Variants in DGLUCY observed in about 807,000 individuals in gnomAD.
DGLUCY encodes D-glutamate cyclase, also known as D-glutamate cyclase, mitochondrial.
A neutral mutation model predicts 58.5 loss-of-function variants in DGLUCY; 58 were observed. The observed-to-expected ratio is 0.99, with a 90% CI of 0.80 to 1.23. DGLUCY has a LOEUF of 1.23. DGLUCY is among the 50% of genes most tolerant of loss of function. DGLUCY has a pLI of 0.00. For missense variants in DGLUCY, 779 were observed against 784.7 expected (o/e 0.99, Z 0.09); for synonymous variants, 325 against 314.1 (o/e 1.03, Z -0.37).
intron 6 of DGLUCY, chr14:91,175,665 C>T (rs1359995771): frequency 8.5e-6 from 3 of 354,538 alleles, no homozygotes; most frequent in Non-Finnish European, 1.1e-5. Context: ...GTACTAGGCT[C>T]AATGCACCCA....
intron 11 of DGLUCY, 21 bp downstream of exon 11, chr14:91,199,926 A>G: frequency 6.2e-7 from 1 of 1,613,682 alleles, no homozygotes; most frequent in Non-Finnish European, 8.5e-7. Context: ...AGTACTGGGG[A>G]TGCACCAAGA....
chr14:91,214,106 A>G (rs1337252031), intron 12 of DGLUCY, among the ~76,000 whole-genome samples: 2 of 151,560 alleles, frequency 1.3e-5, no homozygotes, highest in African/African-American at 2.4e-5. Context: ...TACTCAACCT[A>G]CAAGGCCCAT....
intron 1 of DGLUCY, among the ~76,000 whole-genome samples, chr14:91,126,207 G>C (rs977714679): frequency 6.6e-6 from 1 of 152,164 alleles, no homozygotes; most frequent in African/African-American, 2.4e-5. Context: ...GCTCTGGGGG[G>C]TAGGAGTTCT....
At chr14:91,140,348 T>C (rs1419112144) in intron 1 of DGLUCY, among the ~76,000 whole-genome samples, 2 of 152,208 alleles carry the variant, frequency 1.3e-5, no homozygotes, top group African/African-American at 4.8e-5. Flanking sequence ...TTTCCTACAA[T>C]ATAGTGATGC....
At chr14:91,177,005 T>C (rs1488765545) in intron 7 of DGLUCY, among the ~76,000 whole-genome samples, 11 of 144,756 alleles carry the variant, frequency 7.6e-5, no homozygotes, top group African/African-American at 3.1e-4. Context: ...TTCTTTCTCT[T>C]TCTTTCTTTC....
intron 7 of DGLUCY, among the ~76,000 whole-genome samples, chr14:91,176,817 G>T (rs1378845946): frequency 6.6e-6 from 1 of 152,144 alleles, no homozygotes; most frequent in African/African-American, 2.4e-5. Context: ...GGCCACGCTG[G>T]TCTTGAACTC....
chr14:91,160,196 TG>T (rs1267226129), intron 2 of DGLUCY, 69 bp from the exon 3 acceptor site: 13 of 932,068 alleles, frequency 1.4e-5, no homozygotes, highest in Non-Finnish European at 1.6e-5. Flanking sequence ...TGTGAAGCTA[TG>T]TGAGGCTGAA....
chr14:91,206,475 C>T (rs1035132010), intron 12 of DGLUCY, among the ~76,000 whole-genome samples: 5 of 152,138 alleles, frequency 3.3e-5, no homozygotes, highest in South Asian at 4.1e-4. Flanking sequence ...TTCTGCCTCC[C>T]GGGTTCAAAC....
intron 1 of DGLUCY, among the ~76,000 whole-genome samples, chr14:91,086,489 C>T (rs991899783): frequency 5.3e-5 from 8 of 151,968 alleles, no homozygotes; most frequent in Non-Finnish European, 1.0e-4. Context: ...ATATCAAATA[C>T]AATGTAAATG....
chr14:91,122,559 AT>A (rs2045432593), intron 1 of DGLUCY, among the ~76,000 whole-genome samples: 2 of 150,984 alleles, frequency 1.3e-5, no homozygotes, highest in African/African-American at 4.9e-5. Context: ...AATGATTAAG[AT>A]GGTCAATGTT....
At chr14:91,219,804 G>A (rs1887158699) in intron 13 of DGLUCY, among the ~76,000 whole-genome samples, 1 of 152,216 alleles carries the variant, frequency 6.6e-6, no homozygotes, top group Non-Finnish European at 1.5e-5. Flanking sequence ...AGGGGTACCT[G>A]CAAGGTCTGA....
intron 13 of DGLUCY, chr14:91,216,074 TAGA>T (rs1886470580): frequency 4.4e-6 from 1 of 226,558 alleles, no homozygotes; most frequent in Non-Finnish European, 8.9e-6. Context: ...ATAAGCCAAG[TAGA>T]AGGAGAGGAA....
At chr14:91,207,641 G>T (rs904694637) in intron 12 of DGLUCY, among the ~76,000 whole-genome samples, 2 of 152,132 alleles carry the variant, frequency 1.3e-5, no homozygotes, top group African/African-American at 4.8e-5. Flanking sequence ...GAGGCAGGTG[G>T]GGAAAACCCT....
intron 1 of DGLUCY, among the ~76,000 whole-genome samples, chr14:91,085,263 T>C (rs1310676822): frequency 1.3e-5 from 2 of 150,046 alleles, no homozygotes; most frequent in African/African-American, 2.5e-5. Context: ...TGTTGATTGC[T>C]CTCTCCGCTA....
At chr14:91,162,936 C>T (rs2048073945) in intron 3 of DGLUCY, among the ~76,000 whole-genome samples, 2 of 149,330 alleles carry the variant, frequency 1.3e-5, no homozygotes, top group African/African-American at 4.9e-5. Flanking sequence ...AAGCTTTGTG[C>T]ACATACCATC....
upstream of DGLUCY, among the ~76,000 whole-genome samples, chr14:91,112,048 A>G (rs913100845): frequency 6.6e-6 from 1 of 151,372 alleles, no homozygotes; most frequent in African/African-American, 2.4e-5. Context: ...GACCAGCCTG[A>G]CCAGCGTGGA....
At chr14:91,224,556 C>G (rs1268954997) in intron 13 of DGLUCY, 128 bp from the exon 14 acceptor site, 1 of 1,121,984 alleles carries the variant, frequency 8.9e-7, no homozygotes, top group African/African-American at 1.6e-5. Flanking sequence ...TACTTTAAAC[C>G]AAAATTTTAC....
chr14:91,194,604 G>C (rs375934148), intron 9 of DGLUCY, among the ~76,000 whole-genome samples: 1 of 151,076 alleles, frequency 6.6e-6, no homozygotes, highest in African/African-American at 2.4e-5. Flanking sequence ...GCAGTGGCGC[G>C]ATCTTGGCTC....
chr14:91,077,059 A>G (rs919791672), intron 1 of DGLUCY, among the ~76,000 whole-genome samples: 2 of 152,140 alleles, frequency 1.3e-5, no homozygotes, highest in Non-Finnish European at 2.9e-5. Flanking sequence ...CCTGAGCAAC[A>G]TCGTGAGAGC....
Sources: allele counts gnomAD v4.1 joint callset (sites outside exome capture counted in the v4.1 genomes callset), GRCh38; gene constraint gnomAD v4.1.1; transcripts MANE v1.5; gene names NCBI Gene and HGNC (gene_info 2026-07-23, HGNC 2026-07-21).